The following NFATC1 variants were observed in gnomAD, a reference collection of about 807,000 sequenced individuals.
NFATC1 encodes nuclear factor of activated T cells 1, also known as nuclear factor of activated T-cells, cytoplasmic 1.
In NFATC1, 22 loss-of-function variants were observed where a neutral mutation model predicts 76.0. The observed-to-expected ratio is 0.29, with a 90% CI of 0.21 to 0.41. The LOEUF is 0.41. NFATC1 is among the 10% of genes least tolerant of loss of function. The pLI is 1.00. For synonymous variants in NFATC1, 704 were observed against 613.1 expected (o/e 1.15, Z -2.19); for missense variants, 1,357 against 1,337.7 (o/e 1.01, Z -0.23).
chr18:79,451,725 C>T lies in NFATC1; in HGVS notation c.1812C>T (p.Asp604=). The change falls in exon 6 of 10, where the codon GAC becomes GAT. Residue 604 remains aspartate (D), a synonymous_variant. Transcript: ENST00000427363. ...CTCTGGTGGAGAAGCAGAGCACGGA[C>T]AGCTATCCGGTCGTGGGCGGGAAGA... The part of the protein sequence containing the change: ...ELPLVEKQST[D]SYPVVGGKKM... The T allele has an allele frequency of 6.2e-7, 1 of 1,613,028 alleles. No homozygotes were observed. The highest frequency in any genetic ancestry group is 1.1e-5 in the South Asian group (1 of 90,762).
In NFATC1 at chr18:79,520,246, T is replaced by G. The variant is rs546032013; in HGVS notation, c.2783-7282T>G. Among the ~76,000 whole-genome samples, 454 of 151,666 alleles carry G rather than the reference T, an allele frequency of 3.0e-3. 2 individuals carry two copies. The highest frequency in any genetic ancestry group is 4.6e-3 in the Non-Finnish European group (311 of 67,932). ...GGAGGTCCGGACGAAATGTTGGAGC[T>G]GGAGAGTCGGCAGCCCTCGCGTGGC... On this transcript the variant is annotated intron_variant, in intron 9 of 9. Coordinates refer to ENST00000427363, the MANE Select transcript of NFATC1 (RefSeq NM_001278669.2).
chr18:79,421,148 G>A (rs1397331133), intron 2 of NFATC1: 1 of 152,274 alleles, frequency 6.6e-6, no homozygotes, highest in Non-Finnish European at 1.5e-5. Context: ...CGTGATGTGT[G>A]TCAGGAACGT....
rs762750331 is a variant in NFATC1 at position 79,410,891 on chromosome 18, C to A, written c.616C>A (p.Gln206Lys). The part of the protein sequence containing the change: ...PYASPQTSPW[Q>K]SPCVSPKTTD... The stretch of plus-strand genomic sequence containing the variant: ...CGCGTCCCCCCAGACGTCGCCATGG[C>A]AGTCTCCCTGCGTGTCTCCCAAGAC... The change falls in exon 2 of 10, where the codon CAG (glutamine) becomes AAG (lysine). Residue 206 changes from glutamine to lysine, a missense_variant. By Grantham distance (53) the Gln-to-Lys change is moderately conservative (BLOSUM62 1). Coordinates refer to ENST00000427363, the MANE Select transcript of NFATC1 (RefSeq NM_001278669.2). The surrounding 1 kb of genome is among the most constrained non-coding windows in gnomAD (Gnocchi z 6.7). 1 of 1,608,856 alleles carries A rather than the reference C, an allele frequency of 6.2e-7. No homozygotes were observed. Among genetic ancestry groups the A allele is most frequent in the Non-Finnish European group, 8.5e-7 (1 of 1,178,726 alleles).
chr18:79,417,952 A>G (rs1397171433), intron 2 of NFATC1, among the ~76,000 whole-genome samples: 4 of 151,522 alleles, frequency 2.6e-5, no homozygotes, highest in African/African-American at 7.3e-5. Context: ...ATACCAGGAG[A>G]TGGGCTGTGG....
chr18:79,513,935 G>C (rs999959612), intron 9 of NFATC1, among the ~76,000 whole-genome samples: 2 of 152,188 alleles, frequency 1.3e-5, no homozygotes, highest in Non-Finnish European at 2.9e-5. Context: ...GTCCCTTCTC[G>C]GGGACGTGTC....
chr18:79,454,363 TG>T (rs1373523717), intron 6 of NFATC1, among the ~76,000 whole-genome samples: 2 of 152,200 alleles, frequency 1.3e-5, no homozygotes, highest in Non-Finnish European at 2.9e-5. Context: ...TCAGCTGCTA[TG>T]GGTTCACAGC....
chr18:79,476,210 G>A (rs531550039), intron 8 of NFATC1, among the ~76,000 whole-genome samples: 18 of 152,360 alleles, frequency 1.2e-4, no homozygotes, highest in South Asian at 2.1e-4. Context: ...CCAGCCGCGC[G>A]CCTGGGAGGG....
intron 7 of NFATC1, 37 bp from the exon 8 acceptor site, chr18:79,467,413 G>C: frequency 6.5e-7 from 1 of 1,530,070 alleles, no homozygotes; most frequent in South Asian, 1.2e-5. Context: ...CGCCTGCCCG[G>C]TGCTGATTGT....
rs529168488 is a variant in NFATC1 at position 79,495,065 on chromosome 18, T to G, written c.2782+8128T>G. ...CAGCTGCAGTGGCAAGTCTGCCCCT[T>G]GAGGAAATGGGGGCAAGGATGGCAC... On this transcript the variant is annotated intron_variant, in intron 9 of 9. Transcript: ENST00000427363. Among the ~76,000 whole-genome samples the G allele has an allele frequency of 4.3e-3, 660 of 152,304 alleles. 5 individuals carry two copies. The highest frequency in any genetic ancestry group is 0.015 in the African/African-American group (629 of 41,568).
At chr18:79,396,406 C>T in intron 1 of NFATC1, 55 bp downstream of exon 1, 1 of 1,104,698 alleles carries the variant, frequency 9.1e-7, no homozygotes, top group East Asian at 4.2e-5. Flanking sequence ...CGGCCCGGGC[C>T]GCGCCCCCCG....
chr18:79,400,977 A>C (rs967517794), intron 1 of NFATC1, among the ~76,000 whole-genome samples: 4 of 6,938 alleles, frequency 5.8e-4, no homozygotes, highest in African/African-American at 1.1e-3. Context: ...CCGTCTCCCC[A>C]CGCCCCGCAG....
rs1438899727 is a variant in NFATC1, at chr18:79,524,651, C to T, written c.2783-2877C>T. Among the ~76,000 whole-genome samples the T allele has an allele frequency of 6.6e-6, 1 of 152,126 alleles. No homozygotes were observed. The highest frequency in any genetic ancestry group is 1.5e-5 in the Non-Finnish European group (1 of 67,994). ...GCCTCGACAGCTCTCTTGAGGTCGG[C>T]CCTCCTCCCCTCCCGAGAGCTCAGC... is the stretch of plus-strand genomic sequence containing the variant. On this transcript the variant is annotated intron_variant, in intron 9 of 9. Coordinates refer to ENST00000427363, the MANE Select transcript of NFATC1 (RefSeq NM_001278669.2). The surrounding 1 kb of genome is among the most constrained non-coding windows in gnomAD (Gnocchi z 7.2).
chr18:79,414,540 C>T (rs941674270), intron 2 of NFATC1, among the ~76,000 whole-genome samples: 2 of 152,182 alleles, frequency 1.3e-5, no homozygotes, highest in African/African-American at 4.8e-5. Context: ...ATACTGAATT[C>T]TTGCTGCAAT....
intron 6 of NFATC1, among the ~76,000 whole-genome samples, chr18:79,454,487 G>A (rs1239377467): frequency 3.3e-5 from 5 of 152,318 alleles, no homozygotes; most frequent in South Asian, 4.1e-4. Flanking sequence ...GCTGCATTGC[G>A]GGGAGCCGGC....
rs144531911 is a variant in NFATC1, at chr18:79,418,159, CTG to C, written c.1226+6661_1226+6662del. On this transcript the variant is annotated intron_variant, in intron 2 of 9. Coordinates refer to ENST00000427363, the MANE Select transcript of NFATC1 (RefSeq NM_001278669.2). ...GCAGGGCTCGGGGTGTTGATGGAGA[CTG>C]TGGGGGTCGGGGGAGCCAGCAGTTT... Among the ~76,000 whole-genome samples the C allele has an allele frequency of 7.2e-3, 1,100 of 152,250 alleles. 13 individuals are homozygous for C. Among genetic ancestry groups the C allele is most frequent in the African/African-American group, 0.025 (1,036 of 41,538 alleles).
chr18:79,519,113 T>C (rs578057381), intron 9 of NFATC1, among the ~76,000 whole-genome samples: 18 of 152,262 alleles, frequency 1.2e-4, no homozygotes, highest in African/African-American at 4.3e-4. Flanking sequence ...AGACCTCGCC[T>C]CAGAAAGGCT....
chr18:79,400,268 C>CGGGGGCGGGGCGGGGACGGGGGGA, intron 1 of NFATC1: 4 of 968,804 alleles, frequency 4.1e-6, no homozygotes, highest in Non-Finnish European at 5.1e-6. Context: ...GGGGCGGGGG[C>CGGGGGCGGGGCGGGGACGGGGGGA]GGGGCGGGGA....
Position 79,409,125 on chromosome 18 carries a change from C to T in NFATC1, c.128-1278C>T, listed in dbSNP as rs146598234. ...TCCATCCATCCATCAAACCATTATT[C>T]CTCCATTCCCTATCCATCCATCCGT... On this transcript the variant is annotated intron_variant, in intron 1 of 9. Coordinates refer to ENST00000427363, the MANE Select transcript of NFATC1 (RefSeq NM_001278669.2). Among the ~76,000 whole-genome samples, 219 of 76,916 alleles carry T rather than the reference C, an allele frequency of 2.8e-3. 9 individuals carry two copies. Among genetic ancestry groups the T allele is most frequent in the African/African-American group, 6.1e-3 (198 of 32,594 alleles). The allele number at this position is 76,916 out of a possible 152,430, so 50.5% of individuals were successfully genotyped here.
chr18:79,483,554 G>GGTCCTGGGGTGTCACTCCGGCGTGAC (rs2089387607), intron 8 of NFATC1, among the ~76,000 whole-genome samples: 3 of 126,562 alleles, frequency 2.4e-5, no homozygotes, highest in Non-Finnish European at 4.9e-5. Flanking sequence ...GGCGTGACCT[G>GGTCCTGGGGTGTCACTCCGGCGTGAC]GTCCTGGGGT....
Sources: gnomAD v4.1 joint callset for allele counts (sites outside exome capture counted in the v4.1 genomes callset) on GRCh38, gnomAD v4.1.1 for gene constraint, Gnocchi (gnomAD v3.1) non-coding constraint, MANE v1.5 for transcripts, NCBI Gene and HGNC (gene_info 2026-07-23, HGNC 2026-07-21) for gene names.